NEK7: variants seen among roughly 807,000 people sequenced by gnomAD.
NEK7 encodes the protein NIMA related kinase 7.
A neutral mutation model predicts 44.6 loss-of-function variants in NEK7; 18 were observed. The ratio of observed to expected loss-of-function variants is 0.40; its 90% CI spans 0.28 to 0.60. The LOEUF (loss-of-function observed/expected upper bound fraction) is 0.60, where lower values mean the gene tolerates loss of function less well. Ranked by LOEUF, NEK7 falls within the 20% of genes least tolerant of loss-of-function variation. NEK7 has a pLI of 0.38. For synonymous variants in NEK7, 130 were observed against 121.1 expected (o/e 1.07, Z -0.48); for missense variants, 256 against 366.5 (o/e 0.70, Z 2.46).
intron 1 of NEK7, among the ~76,000 whole-genome samples, chr1:198,231,299 G>GTATATATATATATATATATA (rs1375044919): frequency 5.1e-5 from 5 of 98,260 alleles, no homozygotes; most frequent in African/African-American, 1.3e-4. Flanking sequence ...GTATGTGTGT[G>GTATATATATATATATATATA]TGTATATATA....
At chr1:198,212,585 G>C (rs115535199) in intron 1 of NEK7, among the ~76,000 whole-genome samples, 2,335 of 152,318 alleles carry the variant, frequency 0.015, 61 homozygotes, top group African/African-American at 0.054. Flanking sequence ...GTGCCTGCAC[G>C]TGGGGAGCCA....
intron 1 of NEK7, among the ~76,000 whole-genome samples, chr1:198,211,730 G>A (rs961136263): frequency 2.6e-5 from 4 of 151,864 alleles, no homozygotes; most frequent in African/African-American, 9.7e-5. Flanking sequence ...TTGGCAAGAT[G>A]GCGGACTGGA....
intron 1 of NEK7, among the ~76,000 whole-genome samples, chr1:198,195,019 T>C (rs1427754199): frequency 2.0e-5 from 3 of 152,180 alleles, no homozygotes; most frequent in Non-Finnish European, 2.9e-5. Flanking sequence ...GACTTTTTAA[T>C]AGTAGCCACT....
chr1:198,232,689 A>G, intron 2 of NEK7, 52 bp downstream of exon 2: 1 of 1,049,732 alleles, frequency 9.5e-7, no homozygotes, highest in Non-Finnish European at 1.5e-6. Flanking sequence ...TGTGTTAAAT[A>G]TGTGTAAGAA....
At chr1:198,212,197 A>G (rs1343371576) in intron 1 of NEK7, among the ~76,000 whole-genome samples, 1 of 152,180 alleles carries the variant, frequency 6.6e-6, no homozygotes, top group Admixed American at 6.5e-5. Context: ...TGTAGGGATG[A>G]ACCTCATTGG....
chr1:198,277,803 A>T (rs971456763), intron 5 of NEK7, 158 bp from the exon 6 acceptor site: 1 of 564,648 alleles, frequency 1.8e-6, no homozygotes. Context: ...TATGTCAGAT[A>T]AAATTATTGG....
Position 198,257,039 on chromosome 1 carries a change from C to T in NEK7, c.198+3859C>T, listed in dbSNP as rs116778949. On this transcript the variant is annotated intron_variant, in intron 3 of 9. Transcript: ENST00000367385. ...ATTGTACTCTCATTTTTAAATAATA[C>T]GTGAGGTATTTTGATCCTTTGTTCA... Among the ~76,000 whole-genome samples, 4 of 152,156 alleles carry T rather than the reference C, an allele frequency of 2.6e-5. 1 individual carries two copies. Among genetic ancestry groups the T allele is most frequent in the East Asian group, 1.9e-4 (1 of 5,186 alleles).
chr1:198,264,007 T>C, intron 4 of NEK7, 118 bp from the exon 5 acceptor site: 1 of 1,023,128 alleles, frequency 9.8e-7, no homozygotes, highest in Middle Eastern at 3.4e-4. Context: ...TATACTGTCA[T>C]GTTAAGATTT....
chr1:198,262,027 A>G (rs1653491824), intron 3 of NEK7, among the ~76,000 whole-genome samples: 1 of 151,924 alleles, frequency 6.6e-6, no homozygotes, highest in African/African-American at 2.4e-5. Context: ...CACCCTTGTC[A>G]AGAATGCATG....
intron 1 of NEK7, among the ~76,000 whole-genome samples, chr1:198,180,057 C>G (rs1306155838): frequency 6.6e-6 from 1 of 152,020 alleles, no homozygotes; most frequent in Non-Finnish European, 1.5e-5. Flanking sequence ...TTGAAAAGTA[C>G]AAAATGATAA....
At chr1:198,313,860 C>T (rs1655267159) in intron 9 of NEK7, among the ~76,000 whole-genome samples, 1 of 152,040 alleles carries the variant, frequency 6.6e-6, no homozygotes, top group Admixed American at 6.6e-5. Context: ...TTCTCTCTGG[C>T]TGCCCCTAAC....
At chr1:198,309,466 CTTTAAG>C (rs1373755342) in intron 9 of NEK7, among the ~76,000 whole-genome samples, 1 of 152,020 alleles carries the variant, frequency 6.6e-6, no homozygotes. Flanking sequence ...TATTATTATA[CTTTAAG>C]TTTTAGGGTA....
intron 5 of NEK7, among the ~76,000 whole-genome samples, chr1:198,267,059 A>G (rs1179361802): frequency 6.6e-6 from 1 of 152,032 alleles, no homozygotes; most frequent in African/African-American, 2.4e-5. Flanking sequence ...TATTCTTGTT[A>G]GATAGGAGGG....
At chr1:198,305,835 G>A (rs1655008531) in intron 9 of NEK7, among the ~76,000 whole-genome samples, 1 of 152,092 alleles carries the variant, frequency 6.6e-6, no homozygotes, top group Non-Finnish European at 1.5e-5. Context: ...AGAAACCCGA[G>A]GAATTGGTGT....
chr1:198,274,682 A>G (rs1379496585), intron 5 of NEK7, among the ~76,000 whole-genome samples: 1 of 151,786 alleles, frequency 6.6e-6, no homozygotes, highest in Non-Finnish European at 1.5e-5. Context: ...AGCAGTGTAT[A>G]TTCTACTTGG....
chr1:198,250,400 T>C (rs1652900831), intron 2 of NEK7, among the ~76,000 whole-genome samples: 1 of 152,208 alleles, frequency 6.6e-6, no homozygotes. Context: ...AAAGCAGTTT[T>C]TTCCAATTCT....
intron 3 of NEK7, among the ~76,000 whole-genome samples, chr1:198,255,237 G>A (rs1653215998): frequency 6.6e-6 from 1 of 152,126 alleles, no homozygotes; most frequent in Non-Finnish European, 1.5e-5. Flanking sequence ...CTCTCAAGTA[G>A]AGTAACAATC....
At chr1:198,304,880 T>A (rs559208891) in intron 9 of NEK7, among the ~76,000 whole-genome samples, 1 of 152,306 alleles carries the variant, frequency 6.6e-6, no homozygotes, top group East Asian at 1.9e-4. Flanking sequence ...TTATATACTT[T>A]GTTTCATTTA....
intron 7 of NEK7, among the ~76,000 whole-genome samples, chr1:198,282,442 C>A (rs1385296661): frequency 6.6e-6 from 1 of 152,026 alleles, no homozygotes; most frequent in African/African-American, 2.4e-5. Context: ...CTCTTGCTTT[C>A]TTGTGAGCAT....
Sources: allele counts gnomAD v4.1 joint callset (sites outside exome capture counted in the v4.1 genomes callset), GRCh38; gene constraint gnomAD v4.1.1; transcripts MANE v1.5; gene names NCBI Gene and HGNC (gene_info 2026-07-23, HGNC 2026-07-21).